Variants in OXR1 observed in about 807,000 individuals in gnomAD.
OXR1 encodes oxidation resistance 1, also known as oxidation resistance protein 1.
A neutral mutation model predicts 104.6 loss-of-function variants in OXR1; 41 were observed. That is an observed-to-expected ratio of 0.39 (90% CI 0.31 to 0.51). The LOEUF (loss-of-function observed/expected upper bound fraction) is 0.51, where lower values mean the gene tolerates loss of function less well. Ranked by LOEUF, OXR1 falls within the 20% of genes least tolerant of loss-of-function variation. The pLI, the probability that OXR1 is intolerant of heterozygous loss-of-function variation, is 0.77. For synonymous variants in OXR1, 348 were observed against 348.4 expected, an observed-to-expected ratio of 1.00 and a Z score of 0.01; for missense variants, 955 against 1,031.9, an observed-to-expected ratio of 0.93 and a Z score of 1.02.
chr8:106,337,524 G>A (rs150378404), intron 1 of OXR1, among the ~76,000 whole-genome samples: 42 of 152,262 alleles, frequency 2.8e-4, no homozygotes, highest in African/African-American at 9.1e-4. Context: ...CCATCCTGGG[G>A]TAGAACCCAA....
intron 6 of OXR1, among the ~76,000 whole-genome samples, chr8:106,685,060 G>T (rs1011933712): frequency 6.6e-6 from 1 of 151,802 alleles, no homozygotes; most frequent in Non-Finnish European, 1.5e-5. Context: ...AGAGAGAAAT[G>T]AGGCCTTTTT....
At chr8:106,401,307 C>T (rs2130475423) in intron 2 of OXR1, among the ~76,000 whole-genome samples, 1 of 152,262 alleles carries the variant, frequency 6.6e-6, no homozygotes, top group East Asian at 1.9e-4. Flanking sequence ...GTGGTACTGG[C>T]ATATCACGTT....
rs1835885998 is a variant in OXR1 at position 106,751,481 on chromosome 8, A to G, written c.*540A>G. 6.6e-6 allele frequency: 1 copy of G among 152,566 alleles called. No homozygotes were observed. Among genetic ancestry groups the G allele is most frequent in the Non-Finnish European group, 1.5e-5 (1 of 68,010 alleles). The allele number at this position is 152,566 out of a possible 1,614,324, so 9.5% of individuals were successfully genotyped here. Reference sequence around the variant, plus strand: ...CCACTGAGTTCTAGTTTTTATTCACACTACAACATTCTCTTTAACGATGTT... The same window carrying G: ...CCACTGAGTTCTAGTTTTTATTCACGCTACAACATTCTCTTTAACGATGTT... On this transcript the variant is annotated 3_prime_UTR_variant, in exon 17 of 17. Transcript: ENST00000517566.
chr8:106,559,137 G>A (rs756557822), intron 3 of OXR1, among the ~76,000 whole-genome samples: 12 of 152,090 alleles, frequency 7.9e-5, no homozygotes, highest in Non-Finnish European at 1.3e-4. Flanking sequence ...TAATCACTCA[G>A]AAGTTCTATC....
chr8:106,555,396 C>T (rs1372155613), intron 3 of OXR1, among the ~76,000 whole-genome samples: 2 of 152,130 alleles, frequency 1.3e-5, no homozygotes, highest in Non-Finnish European at 2.9e-5. Flanking sequence ...TTTTAACATT[C>T]ACTCAAGATG....
chr8:106,701,852 A>C (rs1830607043), intron 7 of OXR1, among the ~76,000 whole-genome samples: 1 of 152,262 alleles, frequency 6.6e-6, no homozygotes, highest in Admixed American at 6.5e-5. Flanking sequence ...AGCATGGTAC[A>C]TATAAAGTAT....
intron 2 of OXR1, among the ~76,000 whole-genome samples, chr8:106,496,788 G>T (rs568993368): frequency 6.6e-6 from 1 of 152,164 alleles, no homozygotes; most frequent in Non-Finnish European, 1.5e-5. Context: ...TATTACAGTC[G>T]CACTTATGAT....
At chr8:106,493,600 A>T (rs183159639) in intron 2 of OXR1, among the ~76,000 whole-genome samples, 24 of 150,024 alleles carry the variant, frequency 1.6e-4, no homozygotes, top group African/African-American at 5.7e-4. Flanking sequence ...CATTTGAAAA[A>T]AATACGTTTT....
intron 3 of OXR1, among the ~76,000 whole-genome samples, chr8:106,534,866 T>A (rs1327693981): frequency 1.3e-5 from 2 of 152,244 alleles, no homozygotes; most frequent in Admixed American, 1.3e-4. Flanking sequence ...TAATAGCTAA[T>A]CAATAGTAAG....
intron 3 of OXR1, among the ~76,000 whole-genome samples, chr8:106,547,659 A>C (rs921785275): frequency 6.6e-5 from 10 of 151,784 alleles, no homozygotes; most frequent in Admixed American, 6.6e-5. Context: ...TGCCCAGCTA[A>C]TTTTTGTACA....
chr8:106,481,157 A>T (rs1398528998), intron 2 of OXR1, among the ~76,000 whole-genome samples: 1 of 152,022 alleles, frequency 6.6e-6, no homozygotes, highest in African/African-American at 2.4e-5. Context: ...CAAGTGCTTT[A>T]GTAAAACATA....
At chr8:106,475,078 A>T (rs1821726298) in intron 2 of OXR1, among the ~76,000 whole-genome samples, 1 of 151,928 alleles carries the variant, frequency 6.6e-6, no homozygotes, top group Non-Finnish European at 1.5e-5. Context: ...ATGAGTTAAC[A>T]TAGGTGACTC....
intron 3 of OXR1, among the ~76,000 whole-genome samples, chr8:106,602,934 A>G (rs1820083147): frequency 6.6e-6 from 1 of 151,974 alleles, no homozygotes; most frequent in South Asian, 2.1e-4. Flanking sequence ...GGTTTATTCA[A>G]ATGTATTAGA....
At chr8:106,419,892 T>C (rs1274126737) in intron 2 of OXR1, among the ~76,000 whole-genome samples, 1 of 152,148 alleles carries the variant, frequency 6.6e-6, no homozygotes, top group African/African-American at 2.4e-5. Context: ...AGGAAACAAT[T>C]CATCCTGGAT....
At chr8:106,741,116 A>G (rs1417880118) in intron 14 of OXR1, among the ~76,000 whole-genome samples, 3 of 152,260 alleles carry the variant, frequency 2.0e-5, no homozygotes, top group Admixed American at 6.5e-5. Flanking sequence ...CTTTATATTA[A>G]AGAATGAGTC....
At chr8:106,621,516 TAA>T (rs3046754) in intron 3 of OXR1, among the ~76,000 whole-genome samples, 5 of 138,146 alleles carry the variant, frequency 3.6e-5, no homozygotes, top group African/African-American at 7.9e-5. Flanking sequence ...TCAATAAGAG[TAA>T]AAAAAAAAAA....
At chr8:106,502,221 G>A (rs1811859419) in intron 2 of OXR1, among the ~76,000 whole-genome samples, 1 of 152,170 alleles carries the variant, frequency 6.6e-6, no homozygotes, top group African/African-American at 2.4e-5. Context: ...GTTTAATGCT[G>A]TGCCTTCATT....
chr8:106,692,105 A>C (rs1282143311), intron 6 of OXR1, among the ~76,000 whole-genome samples: 1 of 151,572 alleles, frequency 6.6e-6, no homozygotes, highest in African/African-American at 2.4e-5. Flanking sequence ...ATAATTCTCT[A>C]TTTTATTTTG....
At chr8:106,537,183 AT>A (rs1814601773) in intron 3 of OXR1, among the ~76,000 whole-genome samples, 1 of 152,116 alleles carries the variant, frequency 6.6e-6, no homozygotes, top group Non-Finnish European at 1.5e-5. Context: ...CAAAGGCCTC[AT>A]TACTTAATAT....
Sources: gnomAD v4.1 joint callset for allele counts (sites outside exome capture counted in the v4.1 genomes callset) on GRCh38, gnomAD v4.1.1 for gene constraint, MANE v1.5 for transcripts, NCBI Gene and HGNC (gene_info 2026-07-23, HGNC 2026-07-21) for gene names.